The following GRAMD1B variants were observed in gnomAD, a reference collection of about 807,000 sequenced individuals.
GRAMD1B encodes GRAM domain containing 1B, also known as protein Aster-B.
Under a neutral mutation model 99.7 loss-of-function variants are expected in GRAMD1B, and 37 were observed. That is an observed-to-expected ratio of 0.37 (90% confidence interval 0.29 to 0.49). The LOEUF (loss-of-function observed/expected upper bound fraction) is 0.49. Ranked by LOEUF, GRAMD1B falls within the 20% of genes least tolerant of loss-of-function variation. The pLI is 0.98. For synonymous variants in GRAMD1B, 427 were observed against 387.6 expected (o/e 1.10, Z -1.19); for missense variants, 888 against 1,009.2 (o/e 0.88, Z 1.63).
At chr11:123,463,543 C>T (rs1242341309) in intron 1 of GRAMD1B, among the ~76,000 whole-genome samples, 2 of 152,172 alleles carry the variant, frequency 1.3e-5, no homozygotes, top group Admixed American at 1.3e-4. Flanking sequence ...CTGATGTAGC[C>T]AACAGGTTCT....
intron 2 of GRAMD1B, chr11:123,559,657 T>G: frequency 8.1e-6 from 8 of 984,640 alleles, no homozygotes; most frequent in Non-Finnish European, 8.4e-6. Context: ...CAGCTTAGAA[T>G]TAGAAGACCC....
chr11:123,544,030 T>C (rs1011490705), intron 2 of GRAMD1B, among the ~76,000 whole-genome samples: 2 of 152,234 alleles, frequency 1.3e-5, no homozygotes, highest in Admixed American at 6.5e-5. Context: ...ACAAGACTCA[T>C]GGTGACTCAT....
At chr11:123,555,324 A>G (rs1162629878) in intron 2 of GRAMD1B, among the ~76,000 whole-genome samples, 3 of 152,140 alleles carry the variant, frequency 2.0e-5, no homozygotes, top group Non-Finnish European at 4.4e-5. Context: ...TGGAAGTAGC[A>G]TGGTATGGTG....
intron 1 of GRAMD1B, among the ~76,000 whole-genome samples, chr11:123,467,736 C>T (rs1950762162): frequency 2.0e-5 from 3 of 152,012 alleles, no homozygotes; most frequent in Admixed American, 2.0e-4. Flanking sequence ...TGGTGGGTTC[C>T]CTGAGGTCAC....
Position 123,394,035 on chromosome 11 carries a change from A to G in GRAMD1B, c.-176+35236A>G, listed in dbSNP as rs113008346. ...GGTCATCCTTATTCTACTCTTTTGC[A>G]CTCTGATTTTTAAAAAATGGTTTAA... On this transcript the variant is annotated intron_variant, in intron 1 of 20. Transcript: ENST00000638157. Among the ~76,000 whole-genome samples, 570 of 152,286 alleles carry G rather than the reference A, an allele frequency of 3.7e-3. 4 individuals are homozygous for G. The highest frequency in any genetic ancestry group is 0.013 in the African/African-American group (557 of 41,558).
intron 3 of GRAMD1B, among the ~76,000 whole-genome samples, chr11:123,582,875 A>G (rs556310668): frequency 6.6e-6 from 1 of 152,226 alleles, no homozygotes; most frequent in Non-Finnish European, 1.5e-5. Context: ...GGTGGAGGGG[A>G]TCCAGACCTC....
chr11:123,368,198 G>A (rs1231516804), intron 1 of GRAMD1B, among the ~76,000 whole-genome samples: 1 of 147,100 alleles, frequency 6.8e-6, no homozygotes, highest in African/African-American at 2.5e-5. Flanking sequence ...AGGTTGCAGT[G>A]AGCCGAGATT....
At chr11:123,541,048 A>G (rs1190681783) in intron 2 of GRAMD1B, among the ~76,000 whole-genome samples, 16 of 152,120 alleles carry the variant, frequency 1.1e-4, no homozygotes. Flanking sequence ...ATCTCGGCTC[A>G]TCGCAACCTC....
chr11:123,624,543 A>G lies in GRAMD1B; in HGVS notation c.*1948A>G, dbSNP rs1163053841. 4 of 152,210 alleles carry G rather than the reference A, an allele frequency of 2.6e-5. No individual in the cohort carries two copies. Among genetic ancestry groups the G allele is most frequent in the Non-Finnish European group, 5.9e-5 (4 of 68,054 alleles). The allele number at this position is 152,210 out of a possible 1,614,324, so 9.4% of individuals were successfully genotyped here. A position where few individuals can be genotyped will look rare whatever the true frequency, so the allele number is the denominator to read the frequency against. Reference sequence around the variant, plus strand: ...CCCTGTGAAGAGTGCCTATGCCCACAGCCCAGTGGGTCCTTGTTCAGTTCT... The same window carrying G: ...CCCTGTGAAGAGTGCCTATGCCCACGGCCCAGTGGGTCCTTGTTCAGTTCT... On this transcript the variant is annotated 3_prime_UTR_variant, in exon 20 of 20. Transcript: ENST00000635736.
chr11:123,478,196 G>A (rs908454214), intron 1 of GRAMD1B, among the ~76,000 whole-genome samples: 2 of 151,562 alleles, frequency 1.3e-5, no homozygotes, highest in Non-Finnish European at 2.9e-5. Flanking sequence ...TTTTTTTATA[G>A]AGATGGGGTC....
intron 1 of GRAMD1B, among the ~76,000 whole-genome samples, chr11:123,392,536 T>C (rs1368647682): frequency 6.6e-6 from 1 of 151,838 alleles, no homozygotes; most frequent in Non-Finnish European, 1.5e-5. Flanking sequence ...TATAAAGCTA[T>C]GGAATTATGG....
chr11:123,439,326 T>C (rs948791024), intron 1 of GRAMD1B, among the ~76,000 whole-genome samples: 1 of 152,154 alleles, frequency 6.6e-6, no homozygotes. Context: ...TGAGGAGATG[T>C]TGGGCAGTAG....
intron 2 of GRAMD1B, among the ~76,000 whole-genome samples, chr11:123,558,126 A>G (rs1034480141): frequency 2.0e-5 from 3 of 151,480 alleles, no homozygotes; most frequent in African/African-American, 7.3e-5. Context: ...TGGGATTACA[A>G]TTGTGTGCCA....
intron 1 of GRAMD1B, among the ~76,000 whole-genome samples, chr11:123,417,439 T>C (rs980290308): frequency 2.0e-5 from 3 of 152,122 alleles, no homozygotes; most frequent in Non-Finnish European, 4.4e-5. Flanking sequence ...TTGTGTAGTA[T>C]AGGTGCATTC....
chr11:123,433,215 A>G lies in GRAMD1B; in HGVS notation c.374+2049A>G, dbSNP rs140820560. Among the ~76,000 whole-genome samples, 718 of 152,150 alleles carry G rather than the reference A, an allele frequency of 4.7e-3. 2 individuals carry two copies. Among genetic ancestry groups the G allele is most frequent in the Middle Eastern group, 0.01 (3 of 294 alleles). Reference sequence around the variant, plus strand: ...AACATGGTGAAACCCTGTCTCTACTAAAAATACAAAAAATTAGCCAGGTGT... The same window carrying G: ...AACATGGTGAAACCCTGTCTCTACTGAAAATACAAAAAATTAGCCAGGTGT... On this transcript the variant is annotated intron_variant, in intron 1 of 19. Transcript: ENST00000635736.
chr11:123,434,230 CAAAAAAAAAAAAAAA>C (rs33942028), intron 1 of GRAMD1B, among the ~76,000 whole-genome samples: 1 of 73,008 alleles, frequency 1.4e-5, no homozygotes, highest in Admixed American at 1.9e-4. Context: ...ACTCCGTTTC[CAAAAAAAAAAAAAAA>C]AAAAAAAAAC....
intron 1 of GRAMD1B, among the ~76,000 whole-genome samples, chr11:123,424,253 CAA>C (rs1029881122): frequency 6.5e-4 from 68 of 104,168 alleles, no homozygotes; most frequent in Admixed American, 8.1e-4. Context: ...CCCCCAACAC[CAA>C]AAAAAAAAAA....
intron 1 of GRAMD1B, among the ~76,000 whole-genome samples, chr11:123,393,955 A>G (rs540243967): frequency 6.6e-6 from 1 of 152,044 alleles, no homozygotes; most frequent in East Asian, 1.9e-4. Context: ...TTCTCTTTCC[A>G]CTGCAAATCC....
At chr11:123,454,551 G>A (rs1950027476) in intron 1 of GRAMD1B, 1 of 152,284 alleles carries the variant, frequency 6.6e-6, no homozygotes, top group Non-Finnish European at 1.5e-5. Context: ...CATGGTTAAG[G>A]GCAGGGGATG....
Sources: gnomAD v4.1 joint callset for allele counts (sites outside exome capture counted in the v4.1 genomes callset) on GRCh38, gnomAD v4.1.1 for gene constraint, MANE v1.5 for transcripts, NCBI Gene and HGNC (gene_info 2026-07-23, HGNC 2026-07-21) for gene names.